KALRN: variants seen among roughly 807,000 people sequenced by gnomAD.
The protein encoded by KALRN is kalirin.
In KALRN, 70 loss-of-function variants were observed where a neutral mutation model predicts 353.7. The observed-to-expected ratio is 0.20, with a 90% confidence interval of 0.16 to 0.24. KALRN has a LOEUF of 0.24. Ranked by LOEUF, KALRN falls within the 10% of genes least tolerant of loss-of-function variation. The pLI is 1.00. For synonymous variants in KALRN, 1,391 were observed against 1,434.8 expected, an observed-to-expected ratio of 0.97 and a Z score of 0.69; for missense variants, 2,791 against 3,756.7, an observed-to-expected ratio of 0.74 and a Z score of 6.72.
chr3:124,257,689 A>G (rs1459547729), intron 3 of KALRN, among the ~76,000 whole-genome samples: 6 of 152,166 alleles, frequency 3.9e-5, no homozygotes, highest in African/African-American at 1.4e-4. Flanking sequence ...CCCATGGCCC[A>G]GATGGGAAAC....
intron 54 of KALRN, 112 bp downstream of exon 54, chr3:124,696,367 C>G: frequency 1.0e-6 from 1 of 956,942 alleles, no homozygotes; most frequent in Non-Finnish European, 1.5e-6. Context: ...ACCTCCCAGG[C>G]TCAAGCACTC....
chr3:124,075,612 A>G (rs1439793349), intron 1 of KALRN, among the ~76,000 whole-genome samples: 1 of 151,854 alleles, frequency 6.6e-6, no homozygotes, highest in Non-Finnish European at 1.5e-5. Context: ...TCATGCAGGG[A>G]TGTTTGCTTT....
At chr3:124,362,075 C>T (rs1466161517) in intron 10 of KALRN, among the ~76,000 whole-genome samples, 1 of 152,024 alleles carries the variant, frequency 6.6e-6, no homozygotes, top group Non-Finnish European at 1.5e-5. Context: ...GTTGTGGGGG[C>T]TGATGGGTAA....
chr3:124,563,767 T>C (rs1325886317), intron 34 of KALRN, among the ~76,000 whole-genome samples: 1 of 152,118 alleles, frequency 6.6e-6, no homozygotes, highest in Admixed American at 6.5e-5. Context: ...GGATTAGTAA[T>C]ATCAGCATGC....
intron 21 of KALRN, among the ~76,000 whole-genome samples, chr3:124,450,542 C>T (rs563126138): frequency 2.0e-5 from 3 of 150,052 alleles, no homozygotes; most frequent in South Asian, 2.1e-4. Context: ...AAAAGATAGG[C>T]GTGATGCTAT....
At chr3:124,148,260 C>T (rs1326781751) in intron 1 of KALRN, among the ~76,000 whole-genome samples, 1 of 152,080 alleles carries the variant, frequency 6.6e-6, no homozygotes, top group Non-Finnish European at 1.5e-5. Context: ...CTTTCAGTTT[C>T]TTGTTTCTGA....
intron 33 of KALRN, among the ~76,000 whole-genome samples, chr3:124,496,897 G>A (rs2063913855): frequency 6.6e-6 from 1 of 152,170 alleles, no homozygotes; most frequent in African/African-American, 2.4e-5. Context: ...ATGCTGTTTG[G>A]TAGCAGCCTG....
chr3:124,319,810 T>C (rs1441672595), intron 6 of KALRN, among the ~76,000 whole-genome samples: 2 of 151,824 alleles, frequency 1.3e-5, no homozygotes, highest in African/African-American at 4.8e-5. Context: ...CTGGCCAACA[T>C]GGCAAAACCC....
intron 1 of KALRN, among the ~76,000 whole-genome samples, chr3:124,189,215 G>C (rs1226867798): frequency 6.6e-6 from 1 of 152,196 alleles, no homozygotes; most frequent in Non-Finnish European, 1.5e-5. Context: ...AGGTCTTCCA[G>C]CAGTGGAAGC....
chr3:124,075,600 G>C (rs560302379), intron 1 of KALRN, among the ~76,000 whole-genome samples: 1 of 152,222 alleles, frequency 6.6e-6, no homozygotes, highest in South Asian at 2.1e-4. Flanking sequence ...ATCTCTATCT[G>C]GTCATGCAGG....
At chr3:124,103,534 CGTT>C (rs1016725238) in intron 1 of KALRN, among the ~76,000 whole-genome samples, 5 of 152,206 alleles carry the variant, frequency 3.3e-5, no homozygotes, top group African/African-American at 1.2e-4. Flanking sequence ...CAATTAGTAT[CGTT>C]GTTGTTATTA....
chr3:124,090,011 G>A (rs2061023184), intron 1 of KALRN, among the ~76,000 whole-genome samples: 1 of 152,172 alleles, frequency 6.6e-6, no homozygotes, highest in South Asian at 2.1e-4. Context: ...GGTTGTCATG[G>A]TACTTTTCAC....
At chr3:124,114,651 G>A (rs1004077798) in intron 1 of KALRN, among the ~76,000 whole-genome samples, 6 of 152,352 alleles carry the variant, frequency 3.9e-5, no homozygotes, top group Admixed American at 2.0e-4. Flanking sequence ...AGCCAGAGCA[G>A]CAGAGGAAGG....
intron 2 of KALRN, among the ~76,000 whole-genome samples, chr3:124,230,850 C>A: frequency 1.6e-5 from 2 of 124,530 alleles, no homozygotes; most frequent in African/African-American, 3.2e-5. Context: ...AAAAAAACCC[C>A]CAAAACCAAA....
At position 124,482,802 on chromosome 3, in the gene KALRN, C is replaced by T. The variant is rs920373434; in HGVS notation, c.4192-6C>T. The T allele has an allele frequency of 6.3e-7, 1 of 1,599,922 alleles. No individual in the cohort carries two copies. Among genetic ancestry groups the T allele is most frequent in the Non-Finnish European group, 8.6e-7 (1 of 1,167,082 alleles). On this transcript the variant is annotated splice_polypyrimidine_tract_variant and splice_region_variant and intron_variant, in intron 27 of 59. Transcript: ENST00000682506. ...GTCTAATTGCACATTGTTCTCATCCCTGCAGGAGATACAACAGCGGCATGG... is the reference window on the plus strand; with the variant it reads ...GTCTAATTGCACATTGTTCTCATCCTTGCAGGAGATACAACAGCGGCATGG...
chr3:124,142,678 G>A (rs2066775799), intron 1 of KALRN, among the ~76,000 whole-genome samples: 1 of 152,064 alleles, frequency 6.6e-6, no homozygotes, highest in South Asian at 2.1e-4. Context: ...AGGCCTGTGT[G>A]TGTAGCCTCG....
At chr3:124,579,529 T>C (rs1009856136) in intron 34 of KALRN, among the ~76,000 whole-genome samples, 9 of 151,982 alleles carry the variant, frequency 5.9e-5, no homozygotes, top group Non-Finnish European at 7.4e-5. Flanking sequence ...CCTGAAATAA[T>C]AGACATTCAA....
At chr3:124,686,878 G>C (rs910591888) in intron 51 of KALRN, among the ~76,000 whole-genome samples, 14 of 128,866 alleles carry the variant, frequency 1.1e-4, no homozygotes, top group African/African-American at 1.5e-4. Context: ...GCAGTGGCAT[G>C]ATCTCGGCTC....
chr3:124,269,141 T>C lies in KALRN; in HGVS notation c.855T>C (p.Ser285=). 1 of 1,613,252 alleles carries C rather than the reference T, an allele frequency of 6.2e-7. No individual in the cohort carries two copies. The highest frequency in any genetic ancestry group is 1.1e-5 in the South Asian group (1 of 91,050). The change falls in exon 5 of 60, where the codon AGT becomes AGC. Residue 285 remains serine, a synonymous_variant. Transcript: ENST00000682506. ...DFQSLVPKIT[S]LLDKLHSTRQ... is the part of the protein sequence containing the mutation. ...AGAGCCTGGTGCCCAAGATCACCAG[T>C]CTCCTGGACAAGCTGCACTCCACCC...
Sources: allele counts gnomAD v4.1 joint callset (sites outside exome capture counted in the v4.1 genomes callset), GRCh38; gene constraint gnomAD v4.1.1; transcripts MANE v1.5; gene names NCBI Gene and HGNC (gene_info 2026-07-23, HGNC 2026-07-21).